Variants in TNS3 observed in about 807,000 individuals in gnomAD.
TNS3 encodes tensin 3.
Under a neutral mutation model 140.9 loss-of-function variants are expected in TNS3, and 45 were observed. The observed-to-expected ratio is 0.32, with a 90% CI of 0.25 to 0.41. The LOEUF is 0.41. Ranked by LOEUF, TNS3 falls within the 10% of genes least tolerant of loss-of-function variation. The probability of loss-of-function intolerance (pLI) is 1.00; values close to 1 mark genes in which losing one functional copy is unlikely to be tolerated. For missense variants in TNS3, 1,716 were observed against 1,906.7 expected (o/e 0.90, Z 1.86); for synonymous variants, 815 against 788.4 (o/e 1.03, Z -0.56).
chr7:47,512,041 C>G (rs1021878249), intron 2 of TNS3, among the ~76,000 whole-genome samples: 1 of 152,342 alleles, frequency 6.6e-6, no homozygotes, highest in South Asian at 2.1e-4. Context: ...CTCCGTTGCA[C>G]GAACAGCAAA....
Position 47,275,957 on chromosome 7 carries a change from C to A in TNS3, c.*2119G>T. On this transcript the variant is annotated 3_prime_UTR_variant, in exon 31 of 31. Transcript: ENST00000311160. ...GCTCTGACTTCTAAATGAGCTCTCTCATCCTTCATCAGAAGGATAAGGAAC... is the reference window on the plus strand; with the variant it reads ...GCTCTGACTTCTAAATGAGCTCTCTAATCCTTCATCAGAAGGATAAGGAAC... 4.6e-6 allele frequency: 2 copies of A among 433,380 alleles called. No homozygotes were observed. Among genetic ancestry groups the A allele is most frequent in the Admixed American group, 2.5e-5 (1 of 39,738 alleles). The allele number at this position is 433,380 out of a possible 1,614,324, so 26.8% of individuals were successfully genotyped here.
intron 17 of TNS3, among the ~76,000 whole-genome samples, chr7:47,365,214 AG>A (rs758462463): frequency 3.0e-4 from 46 of 152,088 alleles, no homozygotes; most frequent in Non-Finnish European, 5.6e-4. Context: ...TGGGAGGCCA[AG>A]GTGGGCAGAT....
intron 3 of TNS3, 60 bp downstream of exon 3, chr7:47,506,847 C>G (rs1798434954): frequency 8.1e-7 from 1 of 1,235,402 alleles, no homozygotes; most frequent in Non-Finnish European, 1.1e-6. Context: ...CCACACATAT[C>G]ATTCAATGAA....
intron 20 of TNS3, among the ~76,000 whole-genome samples, chr7:47,321,995 C>T (rs1335055060): frequency 6.6e-6 from 1 of 152,054 alleles, no homozygotes; most frequent in African/African-American, 2.4e-5. Flanking sequence ...GACTTCCCGA[C>T]CCTCCCAGCT....
chr7:47,469,072 G>A (rs957117981), intron 4 of TNS3, among the ~76,000 whole-genome samples: 3 of 152,136 alleles, frequency 2.0e-5, no homozygotes, highest in African/African-American at 4.8e-5. Context: ...ACCTTTCACC[G>A]TATATAAAAA....
chr7:47,295,320 A>G (rs1202217818), intron 24 of TNS3, among the ~76,000 whole-genome samples: 5 of 152,204 alleles, frequency 3.3e-5, no homozygotes, highest in African/African-American at 7.2e-5. Context: ...CCTTGCTTTA[A>G]AACTTTACAC....
At chr7:47,545,055 G>A (rs952092541) in intron 1 of TNS3, among the ~76,000 whole-genome samples, 2 of 152,020 alleles carry the variant, frequency 1.3e-5, no homozygotes, top group Admixed American at 1.3e-4. Context: ...TCCTCCAGGG[G>A]GGTAAAGAAA....
intron 4 of TNS3, among the ~76,000 whole-genome samples, chr7:47,478,054 T>A (rs919904885): frequency 1.7e-4 from 26 of 152,136 alleles, no homozygotes; most frequent in Non-Finnish European, 3.5e-4. Context: ...AAAGGCCCTC[T>A]CATGACCCCA....
At chr7:47,384,039 C>T (rs1766555702) in intron 16 of TNS3, among the ~76,000 whole-genome samples, 1 of 152,202 alleles carries the variant, frequency 6.6e-6, no homozygotes, top group Non-Finnish European at 1.5e-5. Context: ...AAACATGACA[C>T]CACCAACTTT....
chr7:47,407,458 G>A lies in TNS3; in HGVS notation c.723+4269C>T, dbSNP rs1267908543. On this transcript the variant is annotated intron_variant, in intron 13 of 30. Coordinates refer to ENST00000311160, the MANE Select transcript of TNS3 (RefSeq NM_022748.12). This position sits in a 1 kb window ranked among gnomAD's most constrained non-coding sequence, Gnocchi z 4.1. ...TCCACCGCATCTTCTCATGCAGGCC[G>A]CACGCTGAACGTGCTCAGGATAAAG... Among the ~76,000 whole-genome samples, 5 of 152,328 alleles carry A rather than the reference G, an allele frequency of 3.3e-5. No individual in the cohort carries two copies. The highest frequency in any genetic ancestry group is 1.9e-4 in the East Asian group (1 of 5,184).
chr7:47,458,034 T>C (rs1242565847), intron 4 of TNS3, among the ~76,000 whole-genome samples: 1 of 152,234 alleles, frequency 6.6e-6, no homozygotes, highest in African/African-American at 2.4e-5. Flanking sequence ...AGGTCAATCC[T>C]AAAACCTATT....
intron 13 of TNS3, among the ~76,000 whole-genome samples, chr7:47,408,475 C>T (rs1562701826): frequency 6.6e-6 from 1 of 152,000 alleles, no homozygotes; most frequent in Non-Finnish European, 1.5e-5. Flanking sequence ...GGGTGGGGTG[C>T]TGGGGGCTCT....
intron 1 of TNS3, among the ~76,000 whole-genome samples, chr7:47,576,318 C>T (rs1441808772): frequency 3.3e-5 from 5 of 152,260 alleles, no homozygotes; most frequent in African/African-American, 1.2e-4. Flanking sequence ...GCTCCCACCC[C>T]TGAGCTCCGG....
At chr7:47,474,166 ACACACAACACCT>A (rs1039449244) in intron 4 of TNS3, among the ~76,000 whole-genome samples, 8 of 145,648 alleles carry the variant, frequency 5.5e-5, no homozygotes, top group Admixed American at 4.1e-4. Context: ...AAAAAACCTC[ACACACAACACCT>A]CACACAACAC....
intron 10 of TNS3, among the ~76,000 whole-genome samples, chr7:47,416,102 G>A (rs770633724): frequency 1.5e-4 from 23 of 152,338 alleles, no homozygotes; most frequent in Admixed American, 1.3e-4. Flanking sequence ...TCAACACCTT[G>A]CATGGAATCT....
chr7:47,348,372 C>T (rs1182677589), intron 17 of TNS3, among the ~76,000 whole-genome samples: 3 of 152,214 alleles, frequency 2.0e-5, no homozygotes, highest in Non-Finnish European at 4.4e-5. Flanking sequence ...TGGAGAGCAC[C>T]AGGAGCTCCG....
chr7:47,337,326 T>C (rs1251843709), intron 20 of TNS3, among the ~76,000 whole-genome samples: 1 of 152,184 alleles, frequency 6.6e-6, no homozygotes, highest in Admixed American at 6.5e-5. Context: ...CCTATCCTGG[T>C]GGTTGTCTGG....
chr7:47,550,796 A>G (rs887820220), intron 1 of TNS3, among the ~76,000 whole-genome samples: 29 of 152,216 alleles, frequency 1.9e-4, no homozygotes, highest in African/African-American at 6.3e-4. Flanking sequence ...TTCGAATACT[A>G]TGAAGTCACT....
chr7:47,371,746 A>G (rs941080059), intron 16 of TNS3, among the ~76,000 whole-genome samples: 3 of 151,024 alleles, frequency 2.0e-5, no homozygotes, highest in Non-Finnish European at 4.4e-5. Context: ...GGAAAATGCA[A>G]TGCATTTGTT....
Sources: allele counts gnomAD v4.1 joint callset (sites outside exome capture counted in the v4.1 genomes callset), GRCh38; gene constraint gnomAD v4.1.1; non-coding constraint Gnocchi (gnomAD v3.1); transcripts MANE v1.5; gene names NCBI Gene and HGNC (gene_info 2026-07-23, HGNC 2026-07-21).